GRAMD2B: variants seen among roughly 807,000 people sequenced by gnomAD.
GRAMD2B encodes GRAM domain-containing protein 2B.
Under a neutral mutation model 59.2 loss-of-function variants are expected in GRAMD2B, and 41 were observed. The observed-to-expected ratio is 0.69, with a 90% confidence interval of 0.54 to 0.90. The LOEUF is 0.90. Among genes scored for constraint, GRAMD2B ranks in the 40% least tolerant of loss-of-function variants. The probability of loss-of-function intolerance (pLI) is 0.00; values close to 1 mark genes in which losing one functional copy is unlikely to be tolerated. For synonymous variants in GRAMD2B, 161 were observed against 182.7 expected (o/e 0.88, Z 0.96); for missense variants, 424 against 500.5 (o/e 0.85, Z 1.46).
chr5:126,373,348 T>A (rs1754922149), intron 1 of GRAMD2B, among the ~76,000 whole-genome samples: 1 of 152,236 alleles, frequency 6.6e-6, no homozygotes, highest in African/African-American at 2.4e-5. Context: ...ACCTTCTAAA[T>A]AAGTATTGAG....
At chr5:126,392,566 C>T (rs2149722967) in intron 1 of GRAMD2B, among the ~76,000 whole-genome samples, 2 of 152,204 alleles carry the variant, frequency 1.3e-5, no homozygotes, top group Middle Eastern at 6.8e-3. Context: ...AGCAGGGGTT[C>T]AACATAAATC....
intron 1 of GRAMD2B, among the ~76,000 whole-genome samples, chr5:126,403,301 T>C (rs143624347): frequency 3.5e-4 from 53 of 152,144 alleles, no homozygotes; most frequent in African/African-American, 1.2e-3. Flanking sequence ...ATTTGCAATA[T>C]GTGATAAACT....
intron 1 of GRAMD2B, among the ~76,000 whole-genome samples, chr5:126,428,518 T>C (rs1407154855): frequency 1.3e-5 from 2 of 152,194 alleles, no homozygotes; most frequent in Non-Finnish European, 2.9e-5. Flanking sequence ...GGTTAATATC[T>C]CAGAAAATGC....
chr5:126,396,460 A>C (rs886936799), intron 1 of GRAMD2B, among the ~76,000 whole-genome samples: 1 of 152,218 alleles, frequency 6.6e-6, no homozygotes, highest in East Asian at 1.9e-4. Context: ...TAGTTTGCTA[A>C]GGATAATGGC....
At chr5:126,373,792 A>T (rs1011483559) in intron 1 of GRAMD2B, among the ~76,000 whole-genome samples, 1 of 152,264 alleles carries the variant, frequency 6.6e-6, no homozygotes, top group African/African-American at 2.4e-5. Context: ...AGAACCAGTC[A>T]TCATAAGACT....
chr5:126,431,772 AG>A (rs1761605813), intron 1 of GRAMD2B, among the ~76,000 whole-genome samples: 1 of 141,978 alleles, frequency 7.0e-6, no homozygotes, highest in Admixed American at 6.9e-5. Flanking sequence ...GAAAGGAGAA[AG>A]AAAAAAAATT....
intron 1 of GRAMD2B, among the ~76,000 whole-genome samples, chr5:126,389,564 C>T (rs1756516431): frequency 6.6e-6 from 1 of 152,136 alleles, no homozygotes; most frequent in Non-Finnish European, 1.5e-5. Flanking sequence ...CAAGTTAATA[C>T]AGGAAAAACT....
At chr5:126,424,615 T>G (rs986846084) in intron 1 of GRAMD2B, among the ~76,000 whole-genome samples, 8 of 152,248 alleles carry the variant, frequency 5.3e-5, no homozygotes, top group African/African-American at 1.9e-4. Flanking sequence ...AGTCTGGGTG[T>G]CCCCATGGAC....
intron 1 of GRAMD2B, among the ~76,000 whole-genome samples, chr5:126,363,853 G>T (rs1754327234): frequency 6.6e-6 from 1 of 152,134 alleles, no homozygotes; most frequent in Non-Finnish European, 1.5e-5. Flanking sequence ...ACTGCTCTTG[G>T]GTACAAGGTT....
Position 126,488,810 on chromosome 5 carries a change from C to T in GRAMD2B, c.1175C>T (p.Pro392Leu). 1.2e-6 allele frequency: 2 copies of T among 1,612,582 alleles called. No homozygotes were observed. The highest frequency in any genetic ancestry group is 1.1e-5 in the South Asian group (1 of 90,980). Residue 392 changes from proline to leucine, a missense_variant, in exon 13 of 14, where the codon CCA (proline) becomes CTA (leucine). Physicochemically the swap from Pro to Leu is moderately conservative, Grantham distance 98 (BLOSUM62 -3). Transcript: ENST00000285689. ...VDTHNTEQAA[P>L]SGLRSQVQFN... ...CTTTTTTCTTACAGACAGGCAGCAC[C>T]ATCTGGCCTGAGGTCACAAGTACAA...
chr5:126,470,606 T>A (rs1445259287), intron 3 of GRAMD2B, among the ~76,000 whole-genome samples: 1 of 152,114 alleles, frequency 6.6e-6, no homozygotes, highest in Non-Finnish European at 1.5e-5. Context: ...TTGCCCAGGC[T>A]GGAGTGCAGT....
At chr5:126,471,874 T>G (rs1456813765) in intron 3 of GRAMD2B, among the ~76,000 whole-genome samples, 2 of 152,230 alleles carry the variant, frequency 1.3e-5, no homozygotes, top group Non-Finnish European at 1.5e-5. Flanking sequence ...TGTACTCTTC[T>G]GAGAGTACTC....
At chr5:126,371,216 T>G, upstream of GRAMD2B, 3 of 693,844 alleles carry the variant, frequency 4.3e-6, no homozygotes, top group Non-Finnish European at 5.4e-6. Flanking sequence ...TTTATTTCTT[T>G]ACAGCAAACA....
chr5:126,480,439 C>G lies in GRAMD2B; in HGVS notation c.583-17C>G. On this transcript the variant is annotated splice_polypyrimidine_tract_variant and intron_variant, in intron 6 of 13. Coordinates refer to ENST00000285689, the MANE Select transcript of GRAMD2B (RefSeq NM_023927.4). ...TCCGGCAATATCTATTCATAATTAT[C>G]CTGTTTTGTTTTTCAGTACATATTT... is the stretch of plus-strand genomic sequence containing the variant. 1 of 1,562,540 alleles carries G rather than the reference C, an allele frequency of 6.4e-7. No individual in the cohort carries two copies. The highest frequency in any genetic ancestry group is 8.8e-7 in the Non-Finnish European group (1 of 1,133,504).
intron 1 of GRAMD2B, among the ~76,000 whole-genome samples, chr5:126,400,067 T>G (rs1757693892): frequency 6.6e-6 from 1 of 152,112 alleles, no homozygotes; most frequent in African/African-American, 2.4e-5. Context: ...TTGATTTTTT[T>G]TTTTGATAGC....
chr5:126,448,049 G>T (rs961210982), intron 1 of GRAMD2B, among the ~76,000 whole-genome samples: 22 of 151,852 alleles, frequency 1.4e-4, no homozygotes, highest in African/African-American at 5.1e-4. Context: ...TTAGTAGAGA[G>T]AGGGTTTCAC....
chr5:126,387,404 C>A (rs543624360), intron 1 of GRAMD2B, among the ~76,000 whole-genome samples: 1 of 151,966 alleles, frequency 6.6e-6, no homozygotes. Context: ...AATTTGAGAA[C>A]TGTGCTTTGG....
At chr5:126,429,573 A>T (rs995490773) in intron 1 of GRAMD2B, among the ~76,000 whole-genome samples, 12 of 152,176 alleles carry the variant, frequency 7.9e-5, no homozygotes, top group Admixed American at 7.2e-4. Context: ...AATGTACTTC[A>T]CCTAGTGCCT....
At chr5:126,375,572 A>G (rs1409664806) in intron 1 of GRAMD2B, among the ~76,000 whole-genome samples, 1 of 151,906 alleles carries the variant, frequency 6.6e-6, no homozygotes, top group African/African-American at 2.4e-5. Flanking sequence ...GGGTTTCACC[A>G]TGTTAGCCAG....
Sources: allele counts gnomAD v4.1 joint callset (sites outside exome capture counted in the v4.1 genomes callset), GRCh38; gene constraint gnomAD v4.1.1; transcripts MANE v1.5; gene names NCBI Gene and HGNC (gene_info 2026-07-23, HGNC 2026-07-21).